Variants in TTLL11 observed in about 807,000 individuals in gnomAD.
The protein encoded by TTLL11 is tubulin tyrosine ligase like 11, also known as tubulin polyglutamylase TTLL11.
TTLL11 carries 42 observed loss-of-function variants against 51.7 expected under a neutral mutation model. The observed-to-expected ratio is 0.81, with a 90% CI of 0.64 to 1.05. The LOEUF is 1.05. Ranked by LOEUF, TTLL11 falls within the 50% of genes least tolerant of loss-of-function variation. The probability of loss-of-function intolerance (pLI) is 0.00; values close to 1 mark genes in which losing one functional copy is unlikely to be tolerated. For missense variants in TTLL11, 799 were observed against 940.4 expected, an observed-to-expected ratio of 0.85 and a Z score of 1.97; for synonymous variants, 381 against 383.5, an observed-to-expected ratio of 0.99 and a Z score of 0.08.
In TTLL11 at chr9:121,953,652, AAAG is replaced by A. The variant is rs1264097003; in HGVS notation, c.1481+20354_1481+20356del. 4.0e-3 allele frequency among the ~76,000 whole-genome samples: 294 copies of A among 73,968 alleles called. 14 individuals carry two copies. The highest frequency in any genetic ancestry group is 8.6e-3 in the African/African-American group (171 of 19,958). 48.5% of individuals were successfully genotyped at this position (73,968 alleles called of 152,430 possible). ...CGCCTCAAAAAAAAAAAAAAAAAAA[AAAG>A]AAGAAGATTAACCAAAGCATTTCCC... On this transcript the variant is annotated intron_variant, in intron 6 of 8. Transcript: ENST00000321582.
intron 6 of TTLL11, among the ~76,000 whole-genome samples, chr9:121,943,895 T>C (rs1841578252): frequency 6.6e-6 from 1 of 152,234 alleles, no homozygotes; most frequent in Non-Finnish European, 1.5e-5. Context: ...AAATGTTTGT[T>C]GAATAAGTGA....
At chr9:122,063,122 G>T (rs770118755) in intron 1 of TTLL11, among the ~76,000 whole-genome samples, 2 of 152,046 alleles carry the variant, frequency 1.3e-5, no homozygotes, top group Non-Finnish European at 2.9e-5. Context: ...TCCTTTGCCC[G>T]AATTTTTTTT....
intron 1 of TTLL11, among the ~76,000 whole-genome samples, chr9:122,075,927 A>G (rs1845846382): frequency 6.6e-6 from 1 of 152,138 alleles, no homozygotes; most frequent in Admixed American, 6.5e-5. Flanking sequence ...GAAAACAGTC[A>G]TTTAGAAGGT....
intron 6 of TTLL11, among the ~76,000 whole-genome samples, chr9:121,892,122 C>G (rs1839263933): frequency 1.0e-5 from 1 of 97,934 alleles, no homozygotes; most frequent in Non-Finnish European, 2.1e-5. Context: ...TAAAAAGTCT[C>G]CTTCTACCTT....
intron 8 of TTLL11, among the ~76,000 whole-genome samples, chr9:121,854,486 A>C (rs1276175427): frequency 6.6e-6 from 1 of 152,178 alleles, no homozygotes; most frequent in Non-Finnish European, 1.5e-5. Context: ...CTTATATCTT[A>C]AAATAGCAAA....
At chr9:121,983,109 G>A (rs753676179) in intron 4 of TTLL11, among the ~76,000 whole-genome samples, 8 of 152,154 alleles carry the variant, frequency 5.3e-5, no homozygotes, top group East Asian at 1.9e-4. Flanking sequence ...GGTTAGAAGC[G>A]GTTACATTTG....
intron 6 of TTLL11, among the ~76,000 whole-genome samples, chr9:121,949,350 A>G (rs1316726015): frequency 6.6e-6 from 1 of 152,190 alleles, no homozygotes; most frequent in Non-Finnish European, 1.5e-5. Context: ...AACATTTACT[A>G]TTCTATGATG....
chr9:122,088,369 G>A (rs1846181362), intron 1 of TTLL11, among the ~76,000 whole-genome samples: 1 of 152,186 alleles, frequency 6.6e-6, no homozygotes, highest in Non-Finnish European at 1.5e-5. Context: ...GCTCCTGGAG[G>A]GCAAGGAGTG....
intron 3 of TTLL11, among the ~76,000 whole-genome samples, chr9:121,997,588 C>T (rs1055382206): frequency 4.6e-5 from 7 of 152,176 alleles, no homozygotes; most frequent in East Asian, 1.9e-4. Flanking sequence ...GCGTGGGCTT[C>T]GGAGTCAGGC....
At chr9:122,002,156 A>G (rs1389405494) in intron 3 of TTLL11, among the ~76,000 whole-genome samples, 1 of 152,238 alleles carries the variant, frequency 6.6e-6, no homozygotes, top group East Asian at 1.9e-4. Context: ...ATGGGCTCCC[A>G]GGAAATGTTA....
chr9:122,046,936 A>C (rs1845022870), intron 1 of TTLL11, among the ~76,000 whole-genome samples: 1 of 152,226 alleles, frequency 6.6e-6, no homozygotes, highest in African/African-American at 2.4e-5. Context: ...TACGCGCCAA[A>C]GGGTCTCAGG....
chr9:122,066,675 T>G (rs1845592474), intron 1 of TTLL11, among the ~76,000 whole-genome samples: 1 of 152,140 alleles, frequency 6.6e-6, no homozygotes, highest in African/African-American at 2.4e-5. Flanking sequence ...ACACAATCGG[T>G]AAAACTTATT....
intron 8 of TTLL11, among the ~76,000 whole-genome samples, chr9:121,857,827 T>C (rs1837875591): frequency 6.6e-6 from 1 of 152,182 alleles, no homozygotes; most frequent in South Asian, 2.1e-4. Context: ...CATGAAAAAC[T>C]ACTCAGAATT....
In TTLL11 at chr9:121,996,901, G is replaced by A. The variant is rs199986308; in HGVS notation, c.694-7131C>T. ...GAAATTGAGGCCCAGAGAGTCCAGT[G>A]AGAAATCTACAGTCATCTAGCTAGA... On this transcript the variant is annotated intron_variant, in intron 3 of 8. Coordinates refer to ENST00000321582, the MANE Select transcript of TTLL11 (RefSeq NM_001139442.2). Among the ~76,000 whole-genome samples the A allele has an allele frequency of 6.6e-5, 10 of 152,330 alleles. No homozygotes were observed. In the East Asian group the frequency reaches 1.5e-3, roughly 24 times the overall value.
intron 8 of TTLL11, among the ~76,000 whole-genome samples, chr9:121,826,175 AC>A (rs1836746970): frequency 1.4e-4 from 6 of 41,974 alleles, no homozygotes; most frequent in Admixed American, 3.2e-4. Flanking sequence ...TATATATATA[AC>A]CAGTAACCTA....
intron 6 of TTLL11, among the ~76,000 whole-genome samples, chr9:121,950,119 C>T (rs1287091555): frequency 2.6e-5 from 4 of 152,122 alleles, no homozygotes; most frequent in Non-Finnish European, 5.9e-5. Flanking sequence ...TACCATGTTG[C>T]GTCTGCACTA....
At chr9:121,993,603 C>T (rs73562051) in intron 3 of TTLL11, among the ~76,000 whole-genome samples, 10,129 of 152,280 alleles carry the variant, frequency 0.067, 653 homozygotes, top group African/African-American at 0.16. Flanking sequence ...TTCATCACGT[C>T]GGAGAGTTCC....
chr9:121,971,598 G>A (rs1307585170), intron 6 of TTLL11, among the ~76,000 whole-genome samples: 2 of 144,006 alleles, frequency 1.4e-5, no homozygotes, highest in Non-Finnish European at 3.1e-5. Flanking sequence ...AACGGGCCAG[G>A]ATGACAATGG....
At chr9:121,996,143 G>A (rs138851859) in intron 3 of TTLL11, among the ~76,000 whole-genome samples, 1 of 152,264 alleles carries the variant, frequency 6.6e-6, no homozygotes, top group East Asian at 1.9e-4. Context: ...CGAGTGGCCT[G>A]GATGGTCCTC....
Sources: gnomAD v4.1 joint callset for allele counts (sites outside exome capture counted in the v4.1 genomes callset) on GRCh38, gnomAD v4.1.1 for gene constraint, MANE v1.5 for transcripts, NCBI Gene and HGNC (gene_info 2026-07-23, HGNC 2026-07-21) for gene names.